Variants in TRIM35 observed in about 807,000 individuals in gnomAD.
The protein encoded by TRIM35 is E3 ubiquitin-protein ligase TRIM35.
A neutral mutation model predicts 49.1 loss-of-function variants in TRIM35; 37 were observed. That is an observed-to-expected ratio of 0.75 (90% CI 0.58 to 0.99). TRIM35 has a LOEUF of 0.99. TRIM35 is among the 50% of genes least tolerant of loss of function. TRIM35 has a pLI of 0.00. For missense variants in TRIM35, 648 were observed against 702.7 expected (o/e 0.92, Z 0.88); for synonymous variants, 302 against 289.3 (o/e 1.04, Z -0.45).
chr8:27,301,354 T>C lies in TRIM35; in HGVS notation c.436-2795A>G, dbSNP rs554293666. Among the ~76,000 whole-genome samples, 2 of 152,340 alleles carry C rather than the reference T, an allele frequency of 1.3e-5. 1 individual carries two copies. Among genetic ancestry groups the C allele is most frequent in the African/African-American group, 4.8e-5 (2 of 41,570 alleles). On this transcript the variant is annotated intron_variant, in intron 1 of 5. Transcript: ENST00000305364. ...CTGGGGACACATGGGAACTCGTTTCTTCATAATATATTCCTGGGGATAAAA... is the reference window on the plus strand; with the variant it reads ...CTGGGGACACATGGGAACTCGTTTCCTCATAATATATTCCTGGGGATAAAA...
chr8:27,290,239 T>C, intron 3 of TRIM35, 61 bp from the exon 4 acceptor site: 3 of 1,556,970 alleles, frequency 1.9e-6, no homozygotes, highest in Non-Finnish European at 2.7e-6. Flanking sequence ...ATGTATATGT[T>C]TCTGACCTCA....
chr8:27,299,813 T>C (rs367824356), intron 1 of TRIM35, among the ~76,000 whole-genome samples: 4 of 152,322 alleles, frequency 2.6e-5, no homozygotes, highest in East Asian at 1.9e-4. Flanking sequence ...CAGTGCATTT[T>C]GCATGTGGGA....
At chr8:27,288,215 T>C in intron 5 of TRIM35, 88 bp from the exon 6 acceptor site, 1 of 1,291,354 alleles carries the variant, frequency 7.7e-7, no homozygotes, top group Non-Finnish European at 1.1e-6. Flanking sequence ...AACCAACCAC[T>C]GTGTCACACC....
intron 1 of TRIM35, among the ~76,000 whole-genome samples, chr8:27,306,260 T>C (rs1332194108): frequency 1.3e-5 from 2 of 152,058 alleles, no homozygotes; most frequent in African/African-American, 2.4e-5. Context: ...AGCCACGACA[T>C]AAACAGCGCT....
chr8:27,297,679 G>A (rs1026158729), intron 2 of TRIM35, among the ~76,000 whole-genome samples: 4 of 152,226 alleles, frequency 2.6e-5, no homozygotes, highest in Non-Finnish European at 5.9e-5. Context: ...TTATGCCATC[G>A]AGTAAAAGAG....
intron 1 of TRIM35, among the ~76,000 whole-genome samples, chr8:27,302,190 TTTAGATTAG>T (rs1466356248): frequency 6.6e-6 from 1 of 152,172 alleles, no homozygotes. Context: ...CATGTTGAGA[TTTAGATTAG>T]TACAATATTG....
At chr8:27,310,206 G>C (rs1398231547) in intron 1 of TRIM35, among the ~76,000 whole-genome samples, 1 of 152,074 alleles carries the variant, frequency 6.6e-6, no homozygotes, top group African/African-American at 2.4e-5. Flanking sequence ...TGTTAGTTTT[G>C]CCCTGTAAGT....
intron 1 of TRIM35, among the ~76,000 whole-genome samples, chr8:27,306,162 C>G (rs530204399): frequency 1.3e-5 from 2 of 152,214 alleles, no homozygotes; most frequent in Admixed American, 1.3e-4. Flanking sequence ...TGTAACCATT[C>G]CATCACAATA....
intron 3 of TRIM35, among the ~76,000 whole-genome samples, chr8:27,291,582 C>T (rs1467470490): frequency 6.6e-6 from 1 of 152,136 alleles, no homozygotes; most frequent in African/African-American, 2.4e-5. Context: ...AACATGTCCA[C>T]ATAAAAATTG....
In TRIM35 at chr8:27,308,772, G is replaced by T. The variant is rs182069258; in HGVS notation, c.435+2029C>A. ...GATCCATTTGGGACTAGACTACTCAGCCCCTGACATCATCCTGAGTGTCCA... is the reference window on the plus strand; with the variant it reads ...GATCCATTTGGGACTAGACTACTCATCCCCTGACATCATCCTGAGTGTCCA... On this transcript the variant is annotated intron_variant, in intron 1 of 5. Coordinates refer to ENST00000305364, the MANE Select transcript of TRIM35 (RefSeq NM_171982.5). Among the ~76,000 whole-genome samples, 248 of 152,244 alleles carry T rather than the reference G, an allele frequency of 1.6e-3. 1 individual carries two copies. The highest frequency in any genetic ancestry group is 2.1e-3 in the Non-Finnish European group (144 of 68,024).
intron 4 of TRIM35, 62 bp downstream of exon 4, chr8:27,290,094 G>A (rs1802421909): frequency 6.2e-7 from 1 of 1,606,876 alleles, no homozygotes; most frequent in Admixed American, 1.7e-5. Flanking sequence ...GGCCACTGGA[G>A]TTTGCACCCC....
At chr8:27,304,781 T>G (rs74950083) in intron 1 of TRIM35, 1 of 455,240 alleles carries the variant, frequency 2.2e-6, no homozygotes, top group East Asian at 7.0e-5. Context: ...GGACTGAAGG[T>G]TAGGAGAGCT....
chr8:27,290,473 T>C (rs1479180619), intron 3 of TRIM35, among the ~76,000 whole-genome samples: 1 of 152,204 alleles, frequency 6.6e-6, no homozygotes, highest in East Asian at 1.9e-4. Context: ...GGTTTAGTTG[T>C]CATGAGACTG....
In TRIM35 at chr8:27,287,502, GAAAGAA is replaced by G. The variant is rs758027068; in HGVS notation, c.*42_*47del. ...CAGTGTGGGCATTAGGAAGAGGGCA[GAAAGAA>G]AACAGTGCTGTGGCACAAGACCGGG... On this transcript the variant is annotated 3_prime_UTR_variant, in exon 6 of 6. Coordinates refer to ENST00000305364, the MANE Select transcript of TRIM35 (RefSeq NM_171982.5). This position sits in a 1 kb window ranked among gnomAD's most constrained non-coding sequence, Gnocchi z 6.0. The G allele has an allele frequency of 1.3e-5, 19 of 1,489,278 alleles. No homozygotes were observed. The highest frequency in any genetic ancestry group is 1.2e-4 in the South Asian group (9 of 73,468). The allele number at this position is 1,489,278 out of a possible 1,614,324, so 92.3% of individuals were successfully genotyped here.
chr8:27,285,988 T>C lies in TRIM35; in HGVS notation c.*1562A>G. 2 of 410,196 alleles carry C rather than the reference T, an allele frequency of 4.9e-6. No homozygotes were observed. The highest frequency in any genetic ancestry group is 1.8e-5 in the South Asian group (1 of 57,100). 25.4% of individuals were successfully genotyped at this position (410,196 alleles called of 1,614,324 possible). A position where few individuals can be genotyped will look rare whatever the true frequency, so the allele number is the denominator to read the frequency against. On this transcript the variant is annotated 3_prime_UTR_variant, in exon 6 of 6. Transcript: ENST00000305364. ...GCCCTCCTTGTGGCCTTAAGTTTTATCTAACCAGTGTACACAACATATTTA... is the reference window on the plus strand; with the variant it reads ...GCCCTCCTTGTGGCCTTAAGTTTTACCTAACCAGTGTACACAACATATTTA...
rs1055617580 is a variant in TRIM35 at position 27,285,996 on chromosome 8, G to A, written c.*1554C>T. ...TGTGGCCTTAAGTTTTATCTAACCA[G>A]TGTACACAACATATTTATAACCAAT... On this transcript the variant is annotated 3_prime_UTR_variant, in exon 6 of 6. Coordinates refer to ENST00000305364, the MANE Select transcript of TRIM35 (RefSeq NM_171982.5). 9.2e-6 allele frequency: 4 copies of A among 433,656 alleles called. No homozygotes were observed. Among genetic ancestry groups the A allele is most frequent in the Non-Finnish European group, 9.3e-6 (2 of 215,376 alleles). 26.9% of individuals were successfully genotyped at this position (433,656 alleles called of 1,614,324 possible).
chr8:27,289,344 C>A, intron 4 of TRIM35, 64 bp from the exon 5 acceptor site: 1 of 1,348,014 alleles, frequency 7.4e-7, no homozygotes, highest in Non-Finnish European at 1.1e-6. Flanking sequence ...CGAACTGGGC[C>A]AACTGGAAAC....
Position 27,287,512 on chromosome 8 carries a change from A to T in TRIM35, c.*38T>A. 6.7e-7 allele frequency: 1 copy of T among 1,500,630 alleles called. No homozygotes were observed. Among genetic ancestry groups the T allele is most frequent in the Non-Finnish European group, 8.9e-7 (1 of 1,122,490 alleles). 93.0% of individuals were successfully genotyped at this position (1,500,630 alleles called of 1,614,324 possible). A position where few individuals can be genotyped will look rare whatever the true frequency, so the allele number is the denominator to read the frequency against. ...ATTAGGAAGAGGGCAGAAAGAAAACAGTGCTGTGGCACAAGACCGGGGCAG... is the reference window on the plus strand; with the variant it reads ...ATTAGGAAGAGGGCAGAAAGAAAACTGTGCTGTGGCACAAGACCGGGGCAG... On this transcript the variant is annotated 3_prime_UTR_variant, in exon 6 of 6. Transcript: ENST00000305364. This position sits in a 1 kb window ranked among gnomAD's most constrained non-coding sequence, Gnocchi z 6.0.
At chr8:27,298,628 C>T (rs879878413) in intron 1 of TRIM35, 69 bp from the exon 2 acceptor site, 2 of 1,297,794 alleles carry the variant, frequency 1.5e-6, no homozygotes, top group Non-Finnish European at 2.2e-6. Context: ...AGGGCAGACA[C>T]ATCACATTTA....
Sources: allele counts gnomAD v4.1 joint callset (sites outside exome capture counted in the v4.1 genomes callset), GRCh38; gene constraint gnomAD v4.1.1; non-coding constraint Gnocchi (gnomAD v3.1); transcripts MANE v1.5; gene names NCBI Gene and HGNC (gene_info 2026-07-23, HGNC 2026-07-21).